Variants in ERBIN observed in about 807,000 individuals in gnomAD.
ERBIN encodes densin-180-like protein.
A neutral mutation model predicts 158.4 loss-of-function variants in ERBIN; 60 were observed. The ratio of observed to expected loss-of-function variants is 0.38; its 90% CI spans 0.31 to 0.47. ERBIN has a LOEUF of 0.47. Among genes scored for constraint, ERBIN ranks in the 20% least tolerant of loss-of-function variants. ERBIN has a pLI of 0.99. For synonymous variants in ERBIN, 594 were observed against 557.2 expected, an observed-to-expected ratio of 1.07 and a Z score of -0.93; for missense variants, 1,610 against 1,648.0, an observed-to-expected ratio of 0.98 and a Z score of 0.40.
Position 66,081,913 on chromosome 5 carries a change from A to T in ERBIN, c.*3383A>T, listed in dbSNP as rs1762402855. The T allele has an allele frequency of 6.6e-6, 1 of 151,912 alleles. No individual in the cohort carries two copies. The highest frequency in any genetic ancestry group is 1.5e-5 in the Non-Finnish European group (1 of 67,934). 9.4% of individuals were successfully genotyped at this position (151,912 alleles called of 1,614,324 possible). On this transcript the variant is annotated 3_prime_UTR_variant, in exon 26 of 26. Transcript: ENST00000284037. ...AGATGCCTCTTTAAAAAAAAAAAAG[A>T]AAAAGTAATCTAGACAGGCAGCCAA...
chr5:66,054,602 G>A lies in ERBIN; in HGVS notation c.3284G>A (p.Arg1095Lys). ...AATCTTGGTGATCCAGGCTCTACAA[G>A]GCGGGCTCAGATTCCTGAAGGAGAT... ...SVNLGDPGST[R>K]RAQIPEGDYL... The change falls in exon 21 of 26, where the codon AGG (arginine) becomes AAG (lysine). Residue 1095 changes from arginine to lysine, a missense_variant. Transcript: ENST00000284037. 1 of 1,614,136 alleles carries A rather than the reference G, an allele frequency of 6.2e-7. No individual in the cohort carries two copies. The highest frequency in any genetic ancestry group is 8.5e-7 in the Non-Finnish European group (1 of 1,180,024).
chr5:65,974,451 C>T (rs1490250859), intron 1 of ERBIN, among the ~76,000 whole-genome samples: 6 of 152,204 alleles, frequency 3.9e-5, no homozygotes, highest in Admixed American at 6.5e-5. Context: ...TAAAAGCTCA[C>T]GTCTCATCCT....
intron 1 of ERBIN, among the ~76,000 whole-genome samples, chr5:65,942,794 G>A (rs934921920): frequency 7.2e-5 from 11 of 152,078 alleles, no homozygotes; most frequent in African/African-American, 2.4e-4. Flanking sequence ...GTGTGGTTGC[G>A]CATGCCTGTA....
rs1758879604 is a variant in ERBIN at position 66,050,226 on chromosome 5, C to CTATT, written c.1904-556_1904-555insATTT. Reference sequence around the variant, plus strand: ...ACCTTGTCAGTAACTAAATCGAATTCTTTTTTTTTTTTTTTTTTTTTTTTT... The same window carrying CTATT: ...ACCTTGTCAGTAACTAAATCGAATTCTATTTTTTTTTTTTTTTTTTTTTTTTTTT... On this transcript the variant is annotated intron_variant, in intron 19 of 25. Transcript: ENST00000284037. 6.1e-4 allele frequency among the ~76,000 whole-genome samples: 6 copies of CTATT among 9,760 alleles called. 2 individuals are homozygous for CTATT. Among genetic ancestry groups the CTATT allele is most frequent in the African/African-American group, 3.2e-3 (6 of 1,902 alleles). 6.4% of individuals were successfully genotyped at this position (9,760 alleles called of 152,430 possible).
Position 66,081,545 on chromosome 5 carries a change from AATG to A in ERBIN, c.*3019_*3021del, listed in dbSNP as rs1200210259. ...ACACATAGAGGATAGATAACAAACT[AATG>A]ATGTTTAAACTGGTTTATTTACAAA... On this transcript the variant is annotated 3_prime_UTR_variant, in exon 26 of 26. Coordinates refer to ENST00000284037, the MANE Select transcript of ERBIN (RefSeq NM_001253697.2). 2 of 152,154 alleles carry A rather than the reference AATG, an allele frequency of 1.3e-5. No homozygotes were observed. Among genetic ancestry groups the A allele is most frequent in the Admixed American group, 6.5e-5 (1 of 15,286 alleles). 9.4% of individuals were successfully genotyped at this position (152,154 alleles called of 1,614,324 possible).
intron 4 of ERBIN, among the ~76,000 whole-genome samples, chr5:66,000,335 C>T (rs1022749736): frequency 2.6e-5 from 4 of 151,996 alleles, no homozygotes; most frequent in African/African-American, 9.7e-5. Flanking sequence ...ATGTTCTAAC[C>T]CTACAGCATC....
intron 22 of ERBIN, 107 bp downstream of exon 22, chr5:66,072,398 T>C: frequency 9.0e-7 from 1 of 1,107,408 alleles, no homozygotes; most frequent in Non-Finnish European, 1.2e-6. Context: ...TTTTGAGGGC[T>C]TTCCCCCCTT....
intron 1 of ERBIN, among the ~76,000 whole-genome samples, chr5:65,965,730 T>G (rs1191993628): frequency 6.6e-6 from 1 of 152,182 alleles, no homozygotes; most frequent in Non-Finnish European, 1.5e-5. Flanking sequence ...GAGATTTCTC[T>G]CGTTCACTCT....
chr5:65,996,111 G>A (rs1005462990), intron 4 of ERBIN, among the ~76,000 whole-genome samples: 6 of 151,944 alleles, frequency 3.9e-5, no homozygotes, highest in African/African-American at 1.5e-4. Context: ...GTTTTGTGTG[G>A]TGTGATCCCG....
intron 2 of ERBIN, among the ~76,000 whole-genome samples, chr5:65,990,519 A>G (rs1671419198): frequency 1.3e-5 from 2 of 151,970 alleles, no homozygotes; most frequent in Admixed American, 6.6e-5. Context: ...ATACAAAAAA[A>G]ATTAGCTGGG....
At chr5:65,975,756 G>A (rs1026766044) in intron 1 of ERBIN, among the ~76,000 whole-genome samples, 3 of 152,216 alleles carry the variant, frequency 2.0e-5, no homozygotes, top group Non-Finnish European at 4.4e-5. Flanking sequence ...TCTGTAAAAG[G>A]CAGCAGAGTA....
Position 66,014,754 on chromosome 5 carries a change from C to G in ERBIN, c.533+29C>G, listed in dbSNP as rs1754538088. 8 of 1,132,214 alleles carry G rather than the reference C, an allele frequency of 7.1e-6. No individual in the cohort carries two copies. In the Admixed American group the frequency reaches 1.1e-4, roughly 16 times the overall value. 70.1% of individuals were successfully genotyped at this position (1,132,214 alleles called of 1,614,324 possible). A position where few individuals can be genotyped will look rare whatever the true frequency, so the allele number is the denominator to read the frequency against. ...AGTAAAGGTGCTATTCTTTAAAAAA[C>G]TTAATTTATAATTTTTAATGATTAA... On this transcript the variant is annotated intron_variant, in intron 7 of 25. Transcript: ENST00000284037.
intron 21 of ERBIN, among the ~76,000 whole-genome samples, chr5:66,058,719 G>A (rs973155539): frequency 3.5e-4 from 52 of 148,600 alleles, no homozygotes; most frequent in Non-Finnish European, 6.9e-4. Flanking sequence ...AGTATAAGGT[G>A]TAAGGAAGGG....
chr5:65,958,383 C>A (rs1747502917), intron 1 of ERBIN, among the ~76,000 whole-genome samples: 1 of 152,192 alleles, frequency 6.6e-6, no homozygotes. Context: ...CCTCGGGAGG[C>A]GGAGGCTGGC....
At chr5:65,959,275 C>T (rs1747649604) in intron 1 of ERBIN, among the ~76,000 whole-genome samples, 7 of 151,952 alleles carry the variant, frequency 4.6e-5, no homozygotes, top group Admixed American at 4.6e-4. Flanking sequence ...CTTAAATATT[C>T]TGGCCGGTTT....
rs1457992996 is a variant in ERBIN at position 66,000,296 on chromosome 5, T to C, written c.307+5432T>C. ...AATGGATTAACCTCATGTTTATTACTCTAAAATGAGAATGGTGGAATTATG... is the reference window on the plus strand; with the variant it reads ...AATGGATTAACCTCATGTTTATTACCCTAAAATGAGAATGGTGGAATTATG... On this transcript the variant is annotated intron_variant, in intron 4 of 25. Coordinates refer to ENST00000284037, the MANE Select transcript of ERBIN (RefSeq NM_001253697.2). Among the ~76,000 whole-genome samples the C allele has an allele frequency of 2.0e-5, 3 of 152,188 alleles. No homozygotes were observed. The East Asian group carries it at 5.8e-4, about 29-fold the overall frequency.
At chr5:66,045,089 G>C (rs1758296326) in intron 17 of ERBIN, among the ~76,000 whole-genome samples, 1 of 151,964 alleles carries the variant, frequency 6.6e-6, no homozygotes, top group Non-Finnish European at 1.5e-5. Context: ...ATGGTGGCAT[G>C]CTCCTGTAGT....
At chr5:65,927,174 T>C (rs1004448388) in intron 1 of ERBIN, among the ~76,000 whole-genome samples, 4 of 152,190 alleles carry the variant, frequency 2.6e-5, no homozygotes, top group Admixed American at 6.5e-5. Flanking sequence ...ACCTTCTGTT[T>C]GGGAAGAAAG....
intron 14 of ERBIN, among the ~76,000 whole-genome samples, chr5:66,033,351 G>T (rs941632151): frequency 6.6e-6 from 1 of 152,130 alleles, no homozygotes; most frequent in Non-Finnish European, 1.5e-5. Context: ...TAAAATGTTA[G>T]TGATGCATGA....
Sources: gnomAD v4.1 joint callset for allele counts (sites outside exome capture counted in the v4.1 genomes callset) on GRCh38, gnomAD v4.1.1 for gene constraint, MANE v1.5 for transcripts, NCBI Gene and HGNC (gene_info 2026-07-23, HGNC 2026-07-21) for gene names.